The following QRICH2 variants were observed in gnomAD, a reference collection of about 807,000 sequenced individuals.
QRICH2 encodes glutamine rich 2.
Under a neutral mutation model 168.3 loss-of-function variants are expected in QRICH2, and 119 were observed. The observed-to-expected ratio is 0.71, with a 90% confidence interval of 0.61 to 0.82. The LOEUF (loss-of-function observed/expected upper bound fraction) is 0.82. QRICH2 is among the 40% of genes least tolerant of loss of function. QRICH2 has a pLI of 0.00. For missense variants in QRICH2, 2,241 were observed against 2,491.6 expected, an observed-to-expected ratio of 0.90 and a Z score of 2.14; for synonymous variants, 894 against 951.2, an observed-to-expected ratio of 0.94 and a Z score of 1.11.
chr17:76,304,751 C>G (rs2070962523), intron 2 of QRICH2, 131 bp downstream of exon 2: 2 of 802,134 alleles, frequency 2.5e-6, no homozygotes, highest in Non-Finnish European at 4.3e-6. Flanking sequence ...CCCTCCAACC[C>G]TGGGGCAGAG....
intron 7 of QRICH2, among the ~76,000 whole-genome samples, chr17:76,284,536 A>G (rs1274953804): frequency 8.2e-6 from 1 of 121,382 alleles, no homozygotes; most frequent in African/African-American, 6.0e-5. Context: ...GAAAGTATAC[A>G]GGCCAGGCGT....
At position 76,279,126 on chromosome 17, in the gene QRICH2, G is replaced by A; in HGVS notation, c.4831C>T (p.Pro1611Ser). ...PVTGHAIPVT[P>S]AGPGLPGHHS... ...TGCCCAGGTAGGCCTGGACCCGCGG[G>A]GGTCACGGGGATGGCACTGGGCAGG... Residue 1611 changes from proline (P) to serine (S), a missense_variant, in exon 14 of 19, where the codon CCC becomes TCC. Pro to Ser is a moderately conservative substitution (Grantham distance 74). Transcript: ENST00000680821. The A allele has an allele frequency of 1.2e-6, 2 of 1,613,246 alleles. No homozygotes were observed. Among genetic ancestry groups the A allele is most frequent in the Non-Finnish European group, 1.7e-6 (2 of 1,179,864 alleles).
chr17:76,277,231 G>A lies in QRICH2; in HGVS notation c.5197C>T (p.His1733Tyr). 1.2e-6 allele frequency: 2 copies of A among 1,602,808 alleles called. No individual in the cohort carries two copies. The highest frequency in any genetic ancestry group is 1.1e-5 in the South Asian group (1 of 89,766). The change falls in exon 16 of 19, where the codon CAC becomes TAC. Residue 1733 changes from histidine (H) to tyrosine (Y), a missense_variant. This residue lies in a region of QRICH2 where 2,047 missense variants were observed against 2,303.8 expected (regional missense o/e 0.89). Transcript: ENST00000680821. ...GGSHTLTYPY[H>Y]RSRPQHLPRG... ...GGAAGGTGCTGCGGGCGGCTGCGGT[G>A]GTAGGGGTAGGTGAGGGTGTGGCTG...
At chr17:76,277,532 A>C (rs960012953) in intron 15 of QRICH2, among the ~76,000 whole-genome samples, 1 of 151,992 alleles carries the variant, frequency 6.6e-6, no homozygotes, top group South Asian at 2.1e-4. Flanking sequence ...GCACACACAC[A>C]CCCACACACT....
intron 1 of QRICH2, among the ~76,000 whole-genome samples, chr17:76,306,997 T>G (rs2071000352): frequency 6.6e-6 from 1 of 152,152 alleles, no homozygotes. Context: ...TCTGGGAGCC[T>G]TTGTCCTCAA....
rs757104794 is a variant in QRICH2 at position 76,291,105 on chromosome 17, CAT to C, written c.3620_3621del (p.Tyr1207CysfsTer12). ...FHLMGELSSL[Y>X]VGLKESMKDL... ...TCCTTCATACTCTCCTTTAGCCCCA[CAT>C]AGAGGCTACTGAGCTCTCCCATCAG... is the stretch of plus-strand genomic sequence containing the variant. On this transcript the variant is annotated frameshift_variant, in exon 4 of 19. Transcript: ENST00000680821. LOFTEE classifies it high-confidence loss of function. The C allele has an allele frequency of 4.3e-6, 7 of 1,614,134 alleles. No homozygotes were observed. The highest frequency in any genetic ancestry group is 3.4e-6 in the Non-Finnish European group (4 of 1,180,062).
intron 7 of QRICH2, among the ~76,000 whole-genome samples, chr17:76,285,291 C>T (rs1012419709): frequency 6.6e-5 from 10 of 151,980 alleles, no homozygotes; most frequent in Admixed American, 1.3e-4. Context: ...GCCACCTCGC[C>T]CGGCTAATTT....
At position 76,292,812 on chromosome 17, in the gene QRICH2, C is replaced by A. The variant is rs1210960946; in HGVS notation, c.1915G>T (p.Gly639Cys). Residue 639 changes from glycine (G) to cysteine (C), a missense_variant, in exon 4 of 19, where the codon GGT becomes TGT. Physicochemically the swap from Gly to Cys is radical, Grantham distance 159. Coordinates refer to ENST00000680821, the MANE Select transcript of QRICH2 (RefSeq NM_001388453.1). ...TGACCTGTGCCAGGCTGGATCAAAC[C>A]ATGCTGATCTCTACCAGGTTGGGCC... is the stretch of plus-strand genomic sequence containing the variant. ...GLAQPGRDQH[G>C]LIQPGTGQHD... The A allele has an allele frequency of 3.1e-6, 5 of 1,613,812 alleles. No individual in the cohort carries two copies. The highest frequency in any genetic ancestry group is 3.4e-6 in the Non-Finnish European group (4 of 1,180,000).
chr17:76,281,736 G>A lies in QRICH2; in HGVS notation c.4263+128C>T, dbSNP rs2070790731. 1 of 1,168,410 alleles carries A rather than the reference G, an allele frequency of 8.6e-7. No homozygotes were observed. Among genetic ancestry groups the A allele is most frequent in the African/African-American group, 1.5e-5 (1 of 65,900 alleles). The allele number at this position is 1,168,410 out of a possible 1,614,324, so 72.4% of individuals were successfully genotyped here. A position where few individuals can be genotyped will look rare whatever the true frequency, so the allele number is the denominator to read the frequency against. ...GGACTCTTGTGGGATCTGGCTAAAGGGCTCCGCCACGGAGAGCTGACCTTG... is the reference window on the plus strand; with the variant it reads ...GGACTCTTGTGGGATCTGGCTAAAGAGCTCCGCCACGGAGAGCTGACCTTG... On this transcript the variant is annotated intron_variant, in intron 8 of 18. Coordinates refer to ENST00000680821, the MANE Select transcript of QRICH2 (RefSeq NM_001388453.1). The surrounding 1 kb of genome is among the most constrained non-coding windows in gnomAD (Gnocchi z 4.4).
rs375971029 is a variant in QRICH2 at position 76,293,692 on chromosome 17, T to G, written c.1035A>C (p.Arg345Ser). 14 of 1,614,064 alleles carry G rather than the reference T, an allele frequency of 8.7e-6. No homozygotes were observed. Among genetic ancestry groups the G allele is most frequent in the African/African-American group, 4.0e-5 (3 of 74,934 alleles). ...FKSDSDRHRS[R>S]EKLTSTQPRR... ...TTGGTTGTGTCGAGGTAAGCTTCTC[T>G]CTACTCCTGTGACGATCTGAGTCTG... The change falls in exon 4 of 19, where the codon AGA (arginine) becomes AGC (serine). Residue 345 changes from arginine to serine, a missense_variant. Arg to Ser is a moderately radical substitution (Grantham distance 110). Coordinates refer to ENST00000680821, the MANE Select transcript of QRICH2 (RefSeq NM_001388453.1).
chr17:76,289,543 C>T (rs2070950331), intron 5 of QRICH2, among the ~76,000 whole-genome samples: 2 of 152,098 alleles, frequency 1.3e-5, no homozygotes, highest in African/African-American at 2.4e-5. Flanking sequence ...GGTGCAGTTC[C>T]TATCTGATAA....
rs2070754424 is a variant in QRICH2, at chr17:76,279,886, T to TAAA, written c.4748+144_4748+146dup. On this transcript the variant is annotated intron_variant, in intron 12 of 18. Transcript: ENST00000680821. Reference sequence around the variant, plus strand: ...TGAGCTAGAAGAGCGTTTCAAGCTCTAAAATTCTGTCCCTCCAACCATGGG... The same window carrying TAAA: ...TGAGCTAGAAGAGCGTTTCAAGCTCTAAAAAAATTCTGTCCCTCCAACCATGGG... The TAAA allele has an allele frequency of 3.0e-6, 3 of 988,988 alleles. No individual in the cohort carries two copies. In the South Asian group the frequency reaches 5.3e-5, roughly 18 times the overall value. The allele number at this position is 988,988 out of a possible 1,614,324, so 61.3% of individuals were successfully genotyped here. A position where few individuals can be genotyped will look rare whatever the true frequency, so the allele number is the denominator to read the frequency against.
At position 76,292,191 on chromosome 17, in the gene QRICH2, C is replaced by T. The variant is rs1422456559; in HGVS notation, c.2536G>A (p.Ala846Thr). The T allele has an allele frequency of 6.6e-7, 1 of 1,524,492 alleles. No homozygotes were observed. The highest frequency in any genetic ancestry group is 8.9e-7 in the Non-Finnish European group (1 of 1,121,236). The allele number at this position is 1,524,492 out of a possible 1,614,324, so 94.4% of individuals were successfully genotyped here. A position where few individuals can be genotyped will look rare whatever the true frequency, so the allele number is the denominator to read the frequency against. The stretch of plus-strand genomic sequence containing the variant: ...GGTTGGACCAAACCATGCTGAACTG[C>T]ACCAGGTTGGACCAAACCACGCTGA... The part of the protein sequence containing the change: ...AVQRGLVQPG[A>T]VQHGLVQPGA... The change falls in exon 4 of 19, where the codon GCA becomes ACA. Residue 846 changes from alanine (A) to threonine (T), a missense_variant. Coordinates refer to ENST00000680821, the MANE Select transcript of QRICH2 (RefSeq NM_001388453.1).
rs1044580244 is a variant in QRICH2, at chr17:76,276,211, G to T, written c.5354-264C>A. On this transcript the variant is annotated intron_variant, in intron 17 of 18. Transcript: ENST00000680821. ...GGTGTGGGGTGAGTTCTGACCTGGG[G>T]TTTCCAGGGCAGGAAGGGAGGCATC... is the stretch of plus-strand genomic sequence containing the variant. Among the ~76,000 whole-genome samples, 95 of 139,326 alleles carry T rather than the reference G, an allele frequency of 6.8e-4. 1 individual carries two copies. The Admixed American group carries it at 7.6e-3, about 11-fold the overall frequency. 91.4% of individuals were successfully genotyped at this position (139,326 alleles called of 152,430 possible). A position where few individuals can be genotyped will look rare whatever the true frequency, so the allele number is the denominator to read the frequency against.
chr17:76,296,146 C>T (rs956781791), intron 3 of QRICH2, among the ~76,000 whole-genome samples: 5 of 151,910 alleles, frequency 3.3e-5, no homozygotes, highest in Admixed American at 1.3e-4. Flanking sequence ...TTGCTTGAAC[C>T]CAGAAGTCGG....
In QRICH2 at chr17:76,307,753, C is replaced by A. The variant is rs1419956338; in HGVS notation, c.246G>T (p.Gly82=). 8.0e-6 allele frequency: 11 copies of A among 1,377,040 alleles called. No homozygotes were observed. The highest frequency in any genetic ancestry group is 1.0e-5 in the Non-Finnish European group (11 of 1,069,106). 85.3% of individuals were successfully genotyped at this position (1,377,040 alleles called of 1,614,324 possible). A position where few individuals can be genotyped will look rare whatever the true frequency, so the allele number is the denominator to read the frequency against. Residue 82 remains glycine, a synonymous_variant, in exon 1 of 19, where the codon GGG becomes GGT. Coordinates refer to ENST00000680821, the MANE Select transcript of QRICH2 (RefSeq NM_001388453.1). The surrounding 1 kb of genome is among the most constrained non-coding windows in gnomAD (Gnocchi z 5.3). ...HLPAPKEVPK[G]APREKRRGVG... is the part of the protein sequence containing the mutation. ...CGCCCCTGCGCTTCTCCCGGGGCGC[C>A]CCCTTGGGCACCTCCTTGGGCGCGG...
chr17:76,277,888 C>A (rs2070716044), intron 15 of QRICH2, 101 bp downstream of exon 15: 2 of 1,289,360 alleles, frequency 1.6e-6, no homozygotes, highest in Admixed American at 3.5e-5. Flanking sequence ...CCCTTTTCTC[C>A]CCCAGCAGTG....
intron 1 of QRICH2, among the ~76,000 whole-genome samples, chr17:76,305,867 T>A (rs533918475): frequency 6.6e-6 from 1 of 152,130 alleles, no homozygotes; most frequent in South Asian, 2.1e-4. Context: ...AATCTAAGAT[T>A]ACGTAAAAAT....
chr17:76,299,921 G>A (rs752962684), intron 3 of QRICH2, among the ~76,000 whole-genome samples: 4 of 151,458 alleles, frequency 2.6e-5, no homozygotes, highest in Non-Finnish European at 4.4e-5. Flanking sequence ...TCCGCCTTCC[G>A]GTGGTTTCAA....
Sources: gnomAD v4.1 joint callset for allele counts (sites outside exome capture counted in the v4.1 genomes callset) on GRCh38, gnomAD v4.1.1 for gene constraint, gnomAD v4.1.1 regional missense constraint, Gnocchi (gnomAD v3.1) non-coding constraint, MANE v1.5 for transcripts, NCBI Gene and HGNC (gene_info 2026-07-23, HGNC 2026-07-21) for gene names.